GOLGA8K: variants seen among roughly 807,000 people sequenced by gnomAD.
GOLGA8K encodes the protein golgin subfamily A member 8K.
A neutral mutation model predicts 75.2 loss-of-function variants in GOLGA8K; 12 were observed. That is an observed-to-expected ratio of 0.16 (90% confidence interval 0.10 to 0.26). The LOEUF is 0.26. Among genes scored for constraint, GOLGA8K ranks in the 10% least tolerant of loss-of-function variants. The pLI is 1.00. For synonymous variants in GOLGA8K, 48 were observed against 236.6 expected (o/e 0.20, Z 7.32); for missense variants, 109 against 640.8 (o/e 0.17, Z 8.96).
chr15:32,401,715 G>A lies in GOLGA8K; in HGVS notation c.49-240C>T, dbSNP rs573892632. ...TCAGTCTTCTGACTCCAAGCTCTGA[G>A]GTTTTGCCAAGAATCAGCAGCTGCC... On this transcript the variant is annotated intron_variant, in intron 1 of 18. Coordinates refer to ENST00000512626, the MANE Select transcript of GOLGA8K (RefSeq NM_001282493.2). Among the ~76,000 whole-genome samples, 148 of 80,960 alleles carry A rather than the reference G, an allele frequency of 1.8e-3. 2 individuals carry two copies. Among genetic ancestry groups the A allele is most frequent in the African/African-American group, 7.3e-3 (141 of 19,320 alleles). The allele number at this position is 80,960 out of a possible 152,430, so 53.1% of individuals were successfully genotyped here.
At chr15:32,395,837 G>C in intron 13 of GOLGA8K, 126 bp downstream of exon 13, 4 of 1,500,100 alleles carry the variant, frequency 2.7e-6, no homozygotes, top group Non-Finnish European at 3.6e-6. Flanking sequence ...GGACTGCCCT[G>C]GGGGGTGCTG....
chr15:32,395,905 G>C (rs1183631221), intron 13 of GOLGA8K, 58 bp downstream of exon 13: 2 of 1,534,764 alleles, frequency 1.3e-6, no homozygotes, highest in East Asian at 4.7e-5. Flanking sequence ...CCTCCCAAGA[G>C]GCTGCTGCCC....
Position 32,392,423 on chromosome 15 carries a change from TA to T in GOLGA8K, c.*358del. Reference sequence around the variant, plus strand: ...GTGAATATACATGCTGCAATAACATTAAAAAAGCATGGCAGCCTATTCCAAA... The same window carrying T: ...GTGAATATACATGCTGCAATAACATTAAAAAGCATGGCAGCCTATTCCAAA... On this transcript the variant is annotated 3_prime_UTR_variant, in exon 19 of 19. Coordinates refer to ENST00000512626, the MANE Select transcript of GOLGA8K (RefSeq NM_001282493.2). Among the ~76,000 whole-genome samples the T allele has an allele frequency of 8.6e-6, 1 of 116,476 alleles. No individual in the cohort carries two copies. The highest frequency in any genetic ancestry group is 3.5e-4 in the East Asian group (1 of 2,864). The allele number at this position is 116,476 out of a possible 152,430, so 76.4% of individuals were successfully genotyped here. A position where few individuals can be genotyped will look rare whatever the true frequency, so the allele number is the denominator to read the frequency against.
chr15:32,394,875 G>A lies in GOLGA8K; in HGVS notation c.1201-135C>T, dbSNP rs1349109728. The A allele has an allele frequency of 4.0e-5, 44 of 1,113,124 alleles. 2 individuals are homozygous for A. In the East Asian group the frequency reaches 1.0e-3, roughly 26 times the overall value. 69.0% of individuals were successfully genotyped at this position (1,113,124 alleles called of 1,614,324 possible). On this transcript the variant is annotated intron_variant, in intron 13 of 18. Transcript: ENST00000512626. ...CATCTCAGCCACCGCTTTGCCCCAA[G>A]CTTCCTGCTGCTGCAGCTGGTTCAT...
Position 32,397,300 on chromosome 15 carries a change from G to C in GOLGA8K, c.689C>G (p.Ser230Cys), listed in dbSNP as rs746355662. 4 of 1,578,588 alleles carry C rather than the reference G, an allele frequency of 2.5e-6. No homozygotes were observed. Among genetic ancestry groups the C allele is most frequent in the Non-Finnish European group, 2.6e-6 (3 of 1,156,256 alleles). Residue 230 changes from serine to cysteine, a missense_variant, in exon 10 of 19, where the codon TCT becomes TGT. Physicochemically the swap from Ser to Cys is moderately radical, Grantham distance 112. Coordinates refer to ENST00000512626, the MANE Select transcript of GOLGA8K (RefSeq NM_001282493.2). ...TCTTTCTAATTGGACTTGTTGAAAA[G>C]ACTCCTTCAACTGCAAGAATGGGCA... Reference protein sequence around the residue: ...LKVQLTQLKESFQQVQLERDE... With the variant: ...LKVQLTQLKECFQQVQLERDE...
chr15:32,393,005 T>A, intron 18 of GOLGA8K, 37 bp downstream of exon 18: 1 of 1,189,396 alleles, frequency 8.4e-7, no homozygotes, highest in South Asian at 1.4e-5. Flanking sequence ...GAGCCCCCTC[T>A]TCCTGCCTGC....
Position 32,393,364 on chromosome 15 carries a change from G to A in GOLGA8K, c.1490C>T (p.Pro497Leu). The change falls in exon 17 of 19, where the codon CCA becomes CTA. Residue 497 changes from proline (P) to leucine (L), a missense_variant. Transcript: ENST00000512626. ...HQKTHHLLSE[P>L]GGCAKDAALG... ...TGCCGCATCTTTGGCACAGCCCCCT[G>A]GTTCTGATAAAAGGTGATGGGTTTT... 9.4e-7 allele frequency: 1 copy of A among 1,065,102 alleles called. No homozygotes were observed. The highest frequency in any genetic ancestry group is 2.4e-5 in the African/African-American group (1 of 42,424). 66.0% of individuals were successfully genotyped at this position (1,065,102 alleles called of 1,614,324 possible).
chr15:32,398,307 G>C (rs2054657459), intron 8 of GOLGA8K, among the ~76,000 whole-genome samples: 1 of 147,454 alleles, frequency 6.8e-6, no homozygotes, highest in African/African-American at 2.5e-5. Flanking sequence ...CAAGACCACA[G>C]ACAGGTAAGG....
At chr15:32,401,870 C>G (rs2140289025) in intron 1 of GOLGA8K, 1 of 148,638 alleles carries the variant, frequency 6.7e-6, no homozygotes, top group Non-Finnish European at 1.1e-5. Flanking sequence ...ACCTCTCAAA[C>G]TCTTATATCA....
chr15:32,394,132 G>A lies in GOLGA8K; in HGVS notation c.1365+13C>T, dbSNP rs567841812. 1.6e-3 allele frequency: 1,526 copies of A among 977,906 alleles called. 105 individuals carry two copies. The highest frequency in any genetic ancestry group is 2.0e-3 in the Non-Finnish European group (1,396 of 708,856). 60.6% of individuals were successfully genotyped at this position (977,906 alleles called of 1,614,324 possible). ...AAAGGTGGCAAAATGGGTGCAGGGG[G>A]AGTCAGGCTCACCATGGCCTCCCTG... On this transcript the variant is annotated intron_variant, in intron 15 of 18. Coordinates refer to ENST00000512626, the MANE Select transcript of GOLGA8K (RefSeq NM_001282493.2).
chr15:32,397,542 C>T (rs1324239139), intron 8 of GOLGA8K, 39 bp from the exon 9 acceptor site: 1 of 1,414,302 alleles, frequency 7.1e-7, no homozygotes, highest in African/African-American at 1.4e-5. Context: ...TCTGGAGAGC[C>T]TGGGCATTTC....
chr15:32,398,199 C>T (rs1413270123), intron 8 of GOLGA8K, among the ~76,000 whole-genome samples: 6 of 143,378 alleles, frequency 4.2e-5, no homozygotes, highest in African/African-American at 1.3e-4. Flanking sequence ...CACATGCACG[C>T]GTTTCCTCTT....
chr15:32,394,900 T>A lies in GOLGA8K; in HGVS notation c.1201-160A>T, dbSNP rs561601224. On this transcript the variant is annotated intron_variant, in intron 13 of 18. Coordinates refer to ENST00000512626, the MANE Select transcript of GOLGA8K (RefSeq NM_001282493.2). ...GCTTCCTGCTGCTGCAGCTGGTTCA[T>A]TAGCTGGGTCTGCTGCAGTCACTGC... Among the ~76,000 whole-genome samples the A allele has an allele frequency of 9.5e-4, 137 of 144,962 alleles. 2 individuals carry two copies. The highest frequency in any genetic ancestry group is 3.2e-3 in the African/African-American group (129 of 40,830).
At chr15:32,395,548 T>G (rs1302465840) in intron 13 of GOLGA8K, among the ~76,000 whole-genome samples, 4 of 62,072 alleles carry the variant, frequency 6.4e-5, no homozygotes, top group Non-Finnish European at 3.2e-5. Context: ...TCCTGCTAAT[T>G]TTTTTTTTTT....
At chr15:32,398,191 C>T (rs1308412990) in intron 8 of GOLGA8K, among the ~76,000 whole-genome samples, 3 of 138,584 alleles carry the variant, frequency 2.2e-5, no homozygotes, top group East Asian at 4.4e-4. Flanking sequence ...CACACACACA[C>T]ATGCACGCGT....
chr15:32,397,791 G>A (rs1200930636), intron 8 of GOLGA8K, among the ~76,000 whole-genome samples: 3 of 152,036 alleles, frequency 2.0e-5, no homozygotes, highest in African/African-American at 7.2e-5. Flanking sequence ...TGCTTCACCA[G>A]GTACCGTGCT....
At chr15:32,397,344 G>T in intron 9 of GOLGA8K, 34 bp from the exon 10 acceptor site, 1 of 1,511,588 alleles carries the variant, frequency 6.6e-7, no homozygotes, top group Non-Finnish European at 9.1e-7. Context: ...AGGAAGGGCT[G>T]TCACTGGTCC....
At position 32,397,298 on chromosome 15, in the gene GOLGA8K, A is replaced by G; in HGVS notation, c.691T>C (p.Phe231Leu). 6.3e-7 allele frequency: 1 copy of G among 1,577,234 alleles called. No individual in the cohort carries two copies. The highest frequency in any genetic ancestry group is 8.6e-7 in the Non-Finnish European group (1 of 1,156,120). ...TCTCTTTCTAATTGGACTTGTTGAA[A>G]AGACTCCTTCAACTGCAAGAATGGG... ...KVQLTQLKES[F>L]QQVQLERDEY... The change falls in exon 10 of 19, where the codon TTT becomes CTT. Residue 231 changes from phenylalanine (F) to leucine (L), a missense_variant. Coordinates refer to ENST00000512626, the MANE Select transcript of GOLGA8K (RefSeq NM_001282493.2).
At position 32,389,992 on chromosome 15, in the gene GOLGA8K, C is replaced by A. The variant is rs2054525509; in HGVS notation, c.*2790G>T. ...TCTAAAATCAGCTTTGGTTTTAGAG[C>A]TGATTTTTTTTTTCATTTCTGGAAA... On this transcript the variant is annotated 3_prime_UTR_variant, in exon 19 of 19. Transcript: ENST00000512626. Among the ~76,000 whole-genome samples the A allele has an allele frequency of 2.3e-5, 1 of 43,362 alleles. No individual in the cohort carries two copies. Among genetic ancestry groups the A allele is most frequent in the Non-Finnish European group, 5.7e-5 (1 of 17,436 alleles). 28.4% of individuals were successfully genotyped at this position (43,362 alleles called of 152,430 possible).
Sources: gnomAD v4.1 joint callset for allele counts (sites outside exome capture counted in the v4.1 genomes callset) on GRCh38, gnomAD v4.1.1 for gene constraint, MANE v1.5 for transcripts, NCBI Gene and HGNC (gene_info 2026-07-23, HGNC 2026-07-21) for gene names.